Variants in PYM1 observed in about 807,000 individuals in gnomAD.
PYM1 encodes the protein PYM1 exon junction complex associated factor.
PYM1 carries 7 observed loss-of-function variants against 20.7 expected under a neutral mutation model. The ratio of observed to expected loss-of-function variants is 0.34; its 90% CI spans 0.19 to 0.64. The LOEUF (loss-of-function observed/expected upper bound fraction) is 0.64. Ranked by LOEUF, PYM1 falls within the 30% of genes least tolerant of loss-of-function variation. The pLI is 0.74. For missense variants in PYM1, 194 were observed against 250.0 expected (o/e 0.78, Z 1.51); for synonymous variants, 100 against 99.2 (o/e 1.01, Z -0.05).
intron 1 of PYM1, among the ~76,000 whole-genome samples, chr12:55,915,213 T>TAAAAAAAAAAAA (rs1174981358): frequency 2.0e-5 from 1 of 48,978 alleles, no homozygotes; most frequent in South Asian, 1.1e-3. Context: ...AGACTCTGCC[T>TAAAAAAAAAAAA]AAAAAAAAAA....
At chr12:55,905,373 G>A (rs1009986737) in intron 1 of PYM1, among the ~76,000 whole-genome samples, 44 of 151,606 alleles carry the variant, frequency 2.9e-4, no homozygotes, top group African/African-American at 1.0e-3. Context: ...TAAGTACATG[G>A]AAGCTATCAA....
Position 55,927,620 on chromosome 12 carries a change from G to A in PYM1, c.37+105C>T, listed in dbSNP as rs567932590. 1.6e-5 allele frequency: 23 copies of A among 1,416,778 alleles called. 2 individuals carry two copies. The South Asian group carries it at 2.5e-4, about 16-fold the overall frequency. The allele number at this position is 1,416,778 out of a possible 1,614,324, so 87.8% of individuals were successfully genotyped here. On this transcript the variant is annotated intron_variant, in intron 1 of 2. Transcript: ENST00000408946. ...GGAGACCCTATCTAACCCTAAGAAG[G>A]TGGGGAGGTCGAATTCGTGTGCCGA...
chr12:55,918,223 G>A (rs868564361), intron 1 of PYM1, among the ~76,000 whole-genome samples: 1 of 151,378 alleles, frequency 6.6e-6, no homozygotes, highest in African/African-American at 2.4e-5. Flanking sequence ...TCAGTCTCCC[G>A]AGTAGCTGGG....
At chr12:55,927,143 G>C (rs981719067) in intron 1 of PYM1, 1 of 1,551,480 alleles carries the variant, frequency 6.4e-7, no homozygotes, top group African/African-American at 1.4e-5. Flanking sequence ...GCGTGAGCGG[G>C]CTGGGGTCCC....
intron 1 of PYM1, among the ~76,000 whole-genome samples, chr12:55,907,463 CAA>C (rs770960966): frequency 4.0e-4 from 21 of 51,966 alleles, no homozygotes; most frequent in African/African-American, 5.7e-4. Context: ...TACATAAATA[CAA>C]AAAAAAAAAA....
At chr12:55,916,461 C>T (rs1187680713) in intron 1 of PYM1, among the ~76,000 whole-genome samples, 2 of 152,080 alleles carry the variant, frequency 1.3e-5, no homozygotes, top group African/African-American at 4.8e-5. Context: ...CCCAGTTTCA[C>T]TAGAGGGTAT....
At chr12:55,909,036 T>A (rs1207212549) in intron 1 of PYM1, among the ~76,000 whole-genome samples, 1 of 151,924 alleles carries the variant, frequency 6.6e-6, no homozygotes, top group African/African-American at 2.4e-5. Context: ...AATGAGACAG[T>A]TCATGTTAGG....
chr12:55,913,553 T>C (rs1882959333), intron 1 of PYM1, among the ~76,000 whole-genome samples: 1 of 152,036 alleles, frequency 6.6e-6, no homozygotes. Flanking sequence ...AACTGAAAAA[T>C]GTGTACCATA....
rs1232773514 is a variant in PYM1 at position 55,901,820 on chromosome 12, C to A, written c.*52G>T. ...GCTGTTGCCCGTATTCCCCCAGACC[C>A]CAGAGAGCCCCACGGTTTGTTCTGC... On this transcript the variant is annotated 3_prime_UTR_variant, in exon 3 of 3. Transcript: ENST00000408946. The A allele has an allele frequency of 1.9e-6, 3 of 1,542,590 alleles. No individual in the cohort carries two copies. The East Asian group carries it at 6.8e-5, about 35-fold the overall frequency.
intron 1 of PYM1, chr12:55,927,289 A>C (rs750130545): frequency 1.0e-6 from 1 of 964,248 alleles, no homozygotes; most frequent in South Asian, 1.4e-5. Flanking sequence ...AATAAAATAA[A>C]GCCGTGGGCT....
At chr12:55,907,529 G>A (rs1882842813) in intron 1 of PYM1, among the ~76,000 whole-genome samples, 1 of 151,598 alleles carries the variant, frequency 6.6e-6, no homozygotes, top group African/African-American at 2.4e-5. Flanking sequence ...AGCTACTTGG[G>A]AGGTTGAAGC....
intron 1 of PYM1, chr12:55,914,333 C>T (rs1202458875): frequency 2.8e-6 from 2 of 702,074 alleles, no homozygotes; most frequent in African/African-American, 3.5e-5. Flanking sequence ...AGGGTGAAGT[C>T]AAAAAGAAGG....
intron 1 of PYM1, among the ~76,000 whole-genome samples, chr12:55,904,808 C>T (rs1381520968): frequency 6.6e-6 from 1 of 151,162 alleles, no homozygotes; most frequent in Non-Finnish European, 1.5e-5. Flanking sequence ...ACCTGGGAGG[C>T]AGAGGTTGCA....
intron 1 of PYM1, among the ~76,000 whole-genome samples, chr12:55,925,290 A>C (rs992576398): frequency 1.3e-5 from 2 of 152,232 alleles, no homozygotes; most frequent in Non-Finnish European, 2.9e-5. Context: ...GAAGGTCAAG[A>C]ACCAGAGAAC....
chr12:55,907,840 G>A (rs1400107229), intron 1 of PYM1, among the ~76,000 whole-genome samples: 2 of 152,028 alleles, frequency 1.3e-5, no homozygotes, highest in Non-Finnish European at 2.9e-5. Flanking sequence ...TCAGGAGGCT[G>A]AGGCAGGAAA....
intron 1 of PYM1, among the ~76,000 whole-genome samples, chr12:55,920,521 C>T (rs1234235792): frequency 6.6e-6 from 1 of 151,362 alleles, no homozygotes; most frequent in Admixed American, 6.6e-5. Flanking sequence ...GCCTGTAATT[C>T]CAGCTACTCG....
At chr12:55,921,208 A>G (rs1883092204) in intron 1 of PYM1, among the ~76,000 whole-genome samples, 1 of 152,218 alleles carries the variant, frequency 6.6e-6, no homozygotes, top group African/African-American at 2.4e-5. Context: ...CTTCTAACCC[A>G]TACAATGACC....
chr12:55,922,991 C>T (rs1245178508), intron 1 of PYM1, among the ~76,000 whole-genome samples: 3 of 152,006 alleles, frequency 2.0e-5, no homozygotes, highest in South Asian at 2.1e-4. Context: ...TTTGGGAGGC[C>T]GAGGTGGGCA....
intron 1 of PYM1, among the ~76,000 whole-genome samples, chr12:55,917,816 C>T (rs370982967): frequency 5.3e-5 from 8 of 151,946 alleles, no homozygotes; most frequent in Admixed American, 4.6e-4. Context: ...AAAACTCAGC[C>T]GGTCATGGTG....
Sources: gnomAD v4.1 joint callset for allele counts (sites outside exome capture counted in the v4.1 genomes callset) on GRCh38, gnomAD v4.1.1 for gene constraint, MANE v1.5 for transcripts, NCBI Gene and HGNC (gene_info 2026-07-23, HGNC 2026-07-21) for gene names.